Variants in DCAF6 observed in about 807,000 individuals in gnomAD.
The protein encoded by DCAF6 is DDB1- and CUL4-associated factor 6.
DCAF6 carries 54 observed loss-of-function variants against 125.1 expected under a neutral mutation model. The ratio of observed to expected loss-of-function variants is 0.43; its 90% CI spans 0.35 to 0.54. The LOEUF (loss-of-function observed/expected upper bound fraction) is 0.54. Among genes scored for constraint, DCAF6 ranks in the 20% least tolerant of loss-of-function variants. The pLI is 0.01. For synonymous variants in DCAF6, 371 were observed against 390.4 expected (o/e 0.95, Z 0.58); for missense variants, 934 against 1,161.7 (o/e 0.80, Z 2.85).
intron 1 of DCAF6, among the ~76,000 whole-genome samples, chr1:167,938,657 TAAAAC>T (rs1369796433): frequency 1.3e-5 from 2 of 152,246 alleles, no homozygotes; most frequent in African/African-American, 4.8e-5. Context: ...TTTAGCTTAA[TAAAAC>T]AAACGTTAAC....
At chr1:168,040,076 G>C (rs1688331149) in intron 13 of DCAF6, among the ~76,000 whole-genome samples, 1 of 151,982 alleles carries the variant, frequency 6.6e-6, no homozygotes, top group Non-Finnish European at 1.5e-5. Flanking sequence ...GGAAAATAGA[G>C]CAGGTAAAAG....
chr1:167,966,380 A>AT (rs1360977413), intron 2 of DCAF6, among the ~76,000 whole-genome samples: 4 of 151,960 alleles, frequency 2.6e-5, no homozygotes, highest in Admixed American at 1.3e-4. Flanking sequence ...ACATTATGAG[A>AT]TTTTTTTGCT....
the DCAF6 span, among the ~76,000 whole-genome samples, chr1:167,900,592 G>A: frequency 1.3e-5 from 2 of 152,032 alleles, no homozygotes; most frequent in African/African-American, 4.8e-5. Context: ...GAGTGCAATG[G>A]CGCCATCTCG....
chr1:167,982,156 G>C (rs556485732), intron 4 of DCAF6, among the ~76,000 whole-genome samples: 58 of 152,232 alleles, frequency 3.8e-4, no homozygotes, highest in African/African-American at 1.3e-3. Flanking sequence ...GTGTTCGTTG[G>C]CTCCTTGTAT....
chr1:168,056,755 C>G (rs1436446645), intron 17 of DCAF6, among the ~76,000 whole-genome samples: 3 of 152,332 alleles, frequency 2.0e-5, no homozygotes, highest in Middle Eastern at 3.4e-3. Flanking sequence ...TCCACACTTA[C>G]TTTATCATAA....
chr1:167,883,005 A>G, the DCAF6 span, among the ~76,000 whole-genome samples: 1 of 152,182 alleles, frequency 6.6e-6, no homozygotes, highest in Non-Finnish European at 1.5e-5. Flanking sequence ...AGAAGTTATA[A>G]TTATAAACAA....
At chr1:168,026,355 C>T (rs1025093292) in intron 12 of DCAF6, among the ~76,000 whole-genome samples, 2 of 152,048 alleles carry the variant, frequency 1.3e-5, no homozygotes, top group Non-Finnish European at 2.9e-5. Context: ...GTAGGGATTA[C>T]TTCAGCTTGG....
At chr1:168,056,372 G>T (rs1690813952) in intron 17 of DCAF6, 22 of 1,530,386 alleles carry the variant, frequency 1.4e-5, no homozygotes, top group Non-Finnish European at 1.9e-5. Context: ...ACGGGACCGC[G>T]CGCAGGGTGC....
At chr1:167,918,187 A>G in the DCAF6 span, 5 of 612,846 alleles carry the variant, frequency 8.2e-6, no homozygotes, top group South Asian at 2.5e-5. Flanking sequence ...GCATTTTTCT[A>G]TTGAATCAAG....
chr1:168,067,788 T>C (rs1255629181), intron 20 of DCAF6, among the ~76,000 whole-genome samples: 2 of 152,196 alleles, frequency 1.3e-5, no homozygotes, highest in Non-Finnish European at 2.9e-5. Context: ...TGTTTTTTGC[T>C]TTTCCACTTT....
chr1:168,008,445 G>C lies in DCAF6; in HGVS notation c.1378+3652G>C, dbSNP rs116696121. ...TGCCAGCTCATCAGCAAGTTCTTTT[G>C]TTCCTGTATCTAAACTATAACCTGG... On this transcript the variant is annotated intron_variant, in intron 10 of 21. Coordinates refer to ENST00000367840, the MANE Select transcript of DCAF6 (RefSeq NM_001198956.2). 2.8e-3 allele frequency among the ~76,000 whole-genome samples: 422 copies of C among 152,072 alleles called. 2 individuals are homozygous for C. Among genetic ancestry groups the C allele is most frequent in the African/African-American group, 9.9e-3 (412 of 41,450 alleles).
intron 11 of DCAF6, among the ~76,000 whole-genome samples, chr1:168,020,153 C>G (rs914960596): frequency 7.2e-5 from 11 of 152,144 alleles, no homozygotes; most frequent in African/African-American, 2.7e-4. Context: ...TTCCTATGTG[C>G]TGTCTGAATA....
intron 13 of DCAF6, among the ~76,000 whole-genome samples, chr1:168,041,433 T>A (rs1688516399): frequency 6.6e-6 from 1 of 152,068 alleles, no homozygotes; most frequent in Non-Finnish European, 1.5e-5. Context: ...TGTGATAGCA[T>A]GCATAGGAAA....
rs770528435 is a variant in DCAF6, at chr1:167,937,025, G to A, written c.97+17G>A. On this transcript the variant is annotated intron_variant, in intron 1 of 21. Coordinates refer to ENST00000367840, the MANE Select transcript of DCAF6 (RefSeq NM_001198956.2). ...GCTACCTGGGTGAGCGGGGGCCCCG[G>A]GGCGGAGGCGCTGAGGTCGCCGCCT... 3 of 1,598,412 alleles carry A rather than the reference G, an allele frequency of 1.9e-6. No homozygotes were observed. The highest frequency in any genetic ancestry group is 2.6e-6 in the Non-Finnish European group (3 of 1,172,442).
intron 4 of DCAF6, among the ~76,000 whole-genome samples, chr1:167,978,647 A>G (rs144124077): frequency 4.2e-4 from 64 of 151,964 alleles, no homozygotes; most frequent in Non-Finnish European, 7.1e-4. Flanking sequence ...TTCTGTGGTT[A>G]TATTTTCACT....
At position 167,996,908 on chromosome 1, in the gene DCAF6, C is replaced by T. The variant is rs1046770488; in HGVS notation, c.903+3468C>T. On this transcript the variant is annotated intron_variant, in intron 7 of 21. Transcript: ENST00000367840. Reference sequence around the variant, plus strand: ...TACTTCACCATCCTATTTAAAATCACGGCCTTTAACTGATACTACCTATCC... The same window carrying T: ...TACTTCACCATCCTATTTAAAATCATGGCCTTTAACTGATACTACCTATCC... 2.6e-5 allele frequency among the ~76,000 whole-genome samples: 4 copies of T among 152,148 alleles called. No individual in the cohort carries two copies. The East Asian group carries it at 5.8e-4, about 22-fold the overall frequency.
the DCAF6 span, among the ~76,000 whole-genome samples, chr1:167,924,104 G>C: frequency 6.6e-6 from 1 of 152,120 alleles, no homozygotes; most frequent in Non-Finnish European, 1.5e-5. Flanking sequence ...TACTTTTTGA[G>C]AGTAACTTTC....
At chr1:167,889,992 G>A in the DCAF6 span, among the ~76,000 whole-genome samples, 1 of 152,062 alleles carries the variant, frequency 6.6e-6, no homozygotes, top group African/African-American at 2.4e-5. Context: ...ATTTCTTTGA[G>A]TTTCCTCAAA....
At chr1:167,975,432 GA>G (rs1678001083) in intron 4 of DCAF6, among the ~76,000 whole-genome samples, 1 of 152,196 alleles carries the variant, frequency 6.6e-6, no homozygotes, top group African/African-American at 2.4e-5. Context: ...GTAGACAAAA[GA>G]ATCAGATTCC....
Sources: gnomAD v4.1 joint callset for allele counts (sites outside exome capture counted in the v4.1 genomes callset) on GRCh38, gnomAD v4.1.1 for gene constraint, MANE v1.5 for transcripts, NCBI Gene and HGNC (gene_info 2026-07-23, HGNC 2026-07-21) for gene names.